SLC38A9: variants seen among roughly 807,000 people sequenced by gnomAD.
The protein encoded by SLC38A9 is neutral amino acid transporter 9.
A neutral mutation model predicts 62.3 loss-of-function variants in SLC38A9; 48 were observed. That is an observed-to-expected ratio of 0.77 (90% confidence interval 0.61 to 0.98). The LOEUF is 0.98. Among genes scored for constraint, SLC38A9 ranks in the 50% least tolerant of loss-of-function variants. The probability of loss-of-function intolerance (pLI) is 0.00; values close to 1 mark genes in which losing one functional copy is unlikely to be tolerated. For missense variants in SLC38A9, 541 were observed against 679.8 expected (o/e 0.80, Z 2.27); for synonymous variants, 204 against 227.7 (o/e 0.90, Z 0.94).
chr5:55,652,717 C>G lies in SLC38A9; in HGVS notation c.764G>C (p.Cys255Ser). 6.2e-7 allele frequency: 1 copy of G among 1,608,554 alleles called. No individual in the cohort carries two copies. Among genetic ancestry groups the G allele is most frequent in the Non-Finnish European group, 8.5e-7 (1 of 1,177,514 alleles). Residue 255 changes from cysteine (C) to serine (S), a missense_variant, in exon 10 of 16, where the codon TGT (cysteine) becomes TCT (serine). Coordinates refer to ENST00000396865, the MANE Select transcript of SLC38A9 (RefSeq NM_173514.4). The part of the protein sequence containing the change: ...LSTNNSNPVI[C>S]PSAGSGGHPD... ...ATGGCCTCCACTCCCGGCACTTGGA[C>G]AAATCACTGCAATAGGAAAGCACCA...
At chr5:55,700,401 A>G (rs1447572115) in intron 2 of SLC38A9, among the ~76,000 whole-genome samples, 1 of 152,116 alleles carries the variant, frequency 6.6e-6, no homozygotes, top group Non-Finnish European at 1.5e-5. Context: ...AAGGGGAAAA[A>G]AAAAGTCAGA....
At chr5:55,678,645 CTTTTTTTTTTTT>C (rs869297949) in intron 3 of SLC38A9, among the ~76,000 whole-genome samples, 6 of 45,800 alleles carry the variant, frequency 1.3e-4, no homozygotes, top group Admixed American at 3.0e-4. Context: ...CTGAAATGAA[CTTTTTTTTTTTT>C]TTTTTTTTTT....
chr5:55,662,681 A>AC (rs1300650029), intron 8 of SLC38A9, among the ~76,000 whole-genome samples: 1,316 of 55,016 alleles, frequency 0.024, 17 homozygotes, highest in African/African-American at 0.057. Flanking sequence ...AAAAACAAAA[A>AC]AAAACCAAAA....
chr5:55,694,448 T>C (rs1755171593), intron 3 of SLC38A9, among the ~76,000 whole-genome samples: 1 of 151,880 alleles, frequency 6.6e-6, no homozygotes, highest in African/African-American at 2.4e-5. Context: ...TTTCAGGAAA[T>C]GTTACAGCAC....
rs146405566 is a variant in SLC38A9 at position 55,667,623 on chromosome 5, C to T, written c.526+1605G>A. Among the ~76,000 whole-genome samples the T allele has an allele frequency of 1.9e-3, 296 of 151,980 alleles. 2 individuals are homozygous for T. Among genetic ancestry groups the T allele is most frequent in the African/African-American group, 6.8e-3 (280 of 41,444 alleles). ...GATAATGTTTTACAAATAAATTTTA[C>T]GTTTCTATATTATTTTCTTTCTTTT... On this transcript the variant is annotated intron_variant, in intron 7 of 15. Coordinates refer to ENST00000396865, the MANE Select transcript of SLC38A9 (RefSeq NM_173514.4).
chr5:55,626,672 A>C lies in SLC38A9; in HGVS notation c.1521-13T>G. The C allele has an allele frequency of 6.3e-7, 1 of 1,586,962 alleles. No homozygotes were observed. The highest frequency in any genetic ancestry group is 8.5e-7 in the Non-Finnish European group (1 of 1,169,598). ...TGCTCCTGAATATCTGCAAAATAAA[A>C]GCTTTTGGGGTTAATATTCATCTTG... On this transcript the variant is annotated splice_polypyrimidine_tract_variant and intron_variant, in intron 15 of 15. Transcript: ENST00000396865.
intron 10 of SLC38A9, 145 bp downstream of exon 10, chr5:55,652,384 A>AAAAAAAC: frequency 2.3e-6 from 1 of 435,038 alleles, no homozygotes; most frequent in Non-Finnish European, 3.9e-6. Flanking sequence ...AAAAGAAAGA[A>AAAAAAAC]AGAAAGAACA....
At chr5:55,677,274 TAAAACATAAACATTAAAAAATA>T (rs890196573) in intron 3 of SLC38A9, among the ~76,000 whole-genome samples, 9 of 152,120 alleles carry the variant, frequency 5.9e-5, no homozygotes, top group African/African-American at 1.4e-4. Context: ...CATTAATATA[TAAAACATAAACATTAAAAAATA>T]AAAACATAAA....
intron 15 of SLC38A9, 61 bp from the exon 16 acceptor site, chr5:55,626,720 G>T (rs1471496503): frequency 1.4e-6 from 2 of 1,411,658 alleles, no homozygotes; most frequent in Non-Finnish European, 9.5e-7. Flanking sequence ...TACAATTAAG[G>T]TAAACATAGT....
chr5:55,682,112 T>G (rs1038593371), intron 3 of SLC38A9, among the ~76,000 whole-genome samples: 5 of 152,152 alleles, frequency 3.3e-5, no homozygotes, highest in African/African-American at 1.2e-4. Flanking sequence ...GGAGCCTACA[T>G]GCCCTTAACA....
At chr5:55,678,291 C>T (rs1752485876) in intron 3 of SLC38A9, among the ~76,000 whole-genome samples, 2 of 151,960 alleles carry the variant, frequency 1.3e-5, no homozygotes, top group African/African-American at 2.4e-5. Flanking sequence ...GCATGTGCCA[C>T]CACACCCAGC....
rs1742389718 is a variant in SLC38A9 at position 55,626,176 on chromosome 5, A to G, written c.*318T>C. The stretch of plus-strand genomic sequence containing the variant: ...GAGAATCTTTACTGCAGGCAAAATA[A>G]ATCCACCACCTTTTATCTCTAAAAG... On this transcript the variant is annotated 3_prime_UTR_variant, in exon 16 of 16. Coordinates refer to ENST00000396865, the MANE Select transcript of SLC38A9 (RefSeq NM_173514.4). The G allele has an allele frequency of 5.1e-6, 1 of 194,326 alleles. No homozygotes were observed. The highest frequency in any genetic ancestry group is 1.1e-5 in the Non-Finnish European group (1 of 94,758). The allele number at this position is 194,326 out of a possible 1,614,324, so 12.0% of individuals were successfully genotyped here. A position where few individuals can be genotyped will look rare whatever the true frequency, so the allele number is the denominator to read the frequency against.
chr5:55,678,184 A>T (rs565593838), intron 3 of SLC38A9, among the ~76,000 whole-genome samples: 34 of 133,822 alleles, frequency 2.5e-4, no homozygotes, highest in African/African-American at 8.9e-4. Context: ...CTTGCCCAGG[A>T]TGGAGAGCAG....
chr5:55,656,667 G>T, intron 9 of SLC38A9, 48 bp downstream of exon 9: 1 of 1,287,372 alleles, frequency 7.8e-7, no homozygotes, highest in Non-Finnish European at 1.1e-6. Flanking sequence ...AATCCTTTTT[G>T]GAGCAAGGTG....
intron 14 of SLC38A9, among the ~76,000 whole-genome samples, chr5:55,628,850 T>C (rs1348987936): frequency 6.6e-6 from 1 of 152,190 alleles, no homozygotes; most frequent in Non-Finnish European, 1.5e-5. Context: ...AATTTGATGC[T>C]GAAGAAAGAA....
chr5:55,680,852 T>C (rs549216576), intron 3 of SLC38A9, among the ~76,000 whole-genome samples: 3 of 152,232 alleles, frequency 2.0e-5, no homozygotes, highest in Non-Finnish European at 4.4e-5. Flanking sequence ...ATGGCAAATA[T>C]TGTAGTAGCC....
intron 12 of SLC38A9, among the ~76,000 whole-genome samples, chr5:55,644,789 C>T (rs969434250): frequency 6.6e-6 from 1 of 152,022 alleles, no homozygotes; most frequent in African/African-American, 2.4e-5. Flanking sequence ...CATATGTATA[C>T]ATGTGCCATG....
At chr5:55,683,121 G>A (rs1433569081) in intron 3 of SLC38A9, among the ~76,000 whole-genome samples, 1 of 152,114 alleles carries the variant, frequency 6.6e-6, no homozygotes, top group Non-Finnish European at 1.5e-5. Flanking sequence ...AAATGAAAAA[G>A]CAGCACAATA....
chr5:55,680,222 T>TACAG (rs138894224), intron 3 of SLC38A9, among the ~76,000 whole-genome samples: 1 of 84,946 alleles, frequency 1.2e-5, no homozygotes, highest in Non-Finnish European at 3.2e-5. Flanking sequence ...TATCTATATA[T>TACAG]ATATAGAGAG....
Sources: gnomAD v4.1 joint callset for allele counts (sites outside exome capture counted in the v4.1 genomes callset) on GRCh38, gnomAD v4.1.1 for gene constraint, MANE v1.5 for transcripts, NCBI Gene and HGNC (gene_info 2026-07-23, HGNC 2026-07-21) for gene names.